Variants in SPIDR observed in about 807,000 individuals in gnomAD.
The protein encoded by SPIDR is scaffold protein involved in DNA repair.
A neutral mutation model predicts 104.6 loss-of-function variants in SPIDR; 93 were observed. The observed-to-expected ratio is 0.89, with a 90% CI of 0.75 to 1.06. The LOEUF (loss-of-function observed/expected upper bound fraction) is 1.06, where lower values mean the gene tolerates loss of function less well. SPIDR is among the 50% of genes least tolerant of loss of function. SPIDR has a pLI of 0.00. For missense variants in SPIDR, 1,154 were observed against 1,111.2 expected, an observed-to-expected ratio of 1.04 and a Z score of -0.55; for synonymous variants, 431 against 416.9, an observed-to-expected ratio of 1.03 and a Z score of -0.41.
At chr8:47,394,981 G>T (rs1370875584) in intron 5 of SPIDR, among the ~76,000 whole-genome samples, 1 of 152,144 alleles carries the variant, frequency 6.6e-6, no homozygotes, top group Non-Finnish European at 1.5e-5. Context: ...TTTTCAGTGT[G>T]CCTGATAGAA....
intron 11 of SPIDR, among the ~76,000 whole-genome samples, chr8:47,692,390 C>T (rs1356724784): frequency 6.6e-6 from 1 of 151,860 alleles, no homozygotes; most frequent in Non-Finnish European, 1.5e-5. Context: ...CTGGACGTTT[C>T]CTGTCAGTGG....
At chr8:47,685,517 A>ATTTATTTTTTTTTTTT (rs761792229) in intron 11 of SPIDR, among the ~76,000 whole-genome samples, 1 of 130,094 alleles carries the variant, frequency 7.7e-6, no homozygotes, top group Admixed American at 8.0e-5. Context: ...TTATTTATTT[A>ATTTATTTTTTTTTTTT]TTTTTTTGAG....
chr8:47,653,859 C>CA (rs561508290), intron 10 of SPIDR: 13,931 of 431,444 alleles, frequency 0.032, 20 homozygotes, highest in Middle Eastern at 0.038. Flanking sequence ...AACTAAAAGA[C>CA]AAAAAAAAAA....
At chr8:47,553,588 G>T (rs1336185523) in intron 8 of SPIDR, among the ~76,000 whole-genome samples, 1 of 152,044 alleles carries the variant, frequency 6.6e-6, no homozygotes, top group African/African-American at 2.4e-5. Flanking sequence ...ATGGTTTTCA[G>T]CTCCATCAGA....
At chr8:47,591,006 T>C (rs1242296559) in intron 8 of SPIDR, among the ~76,000 whole-genome samples, 1 of 152,148 alleles carries the variant, frequency 6.6e-6, no homozygotes, top group African/African-American at 2.4e-5. Context: ...TCTTTTCTCA[T>C]TTTTTACTTT....
chr8:47,334,518 TTTA>T (rs1354054784), intron 5 of SPIDR, among the ~76,000 whole-genome samples: 1 of 152,216 alleles, frequency 6.6e-6, no homozygotes, highest in Non-Finnish European at 1.5e-5. Context: ...AATGCCCCTC[TTTA>T]TCCTTGATAA....
intron 8 of SPIDR, among the ~76,000 whole-genome samples, chr8:47,569,389 G>A (rs1030103961): frequency 7.2e-5 from 11 of 152,126 alleles, no homozygotes; most frequent in Admixed American, 1.3e-4. Context: ...GGAAATATTG[G>A]ACTTGAACAA....
chr8:47,565,445 A>G (rs146339701), intron 8 of SPIDR, among the ~76,000 whole-genome samples: 1,650 of 152,292 alleles, frequency 0.011, 19 homozygotes, highest in Non-Finnish European at 0.014. Flanking sequence ...AGAACCTTGT[A>G]CCATTCTAGG....
At chr8:47,732,275 T>A (rs1439493203) in intron 19 of SPIDR, 1 of 694,030 alleles carries the variant, frequency 1.4e-6, no homozygotes, top group African/African-American at 1.8e-5. Flanking sequence ...AGCTCAAAGG[T>A]GTGTGTACCT....
chr8:47,682,615 A>G (rs1293027907), intron 11 of SPIDR, among the ~76,000 whole-genome samples: 2 of 152,228 alleles, frequency 1.3e-5, no homozygotes, highest in Non-Finnish European at 2.9e-5. Context: ...GAATGTCTAG[A>G]AAGTGCTTAT....
At chr8:47,374,299 A>G (rs987859120) in intron 5 of SPIDR, among the ~76,000 whole-genome samples, 1 of 152,160 alleles carries the variant, frequency 6.6e-6, no homozygotes, top group Non-Finnish European at 1.5e-5. Context: ...AGATAGAAGG[A>G]TCACTTGAGC....
chr8:47,279,724 T>A (rs2037346468), intron 1 of SPIDR, 138 bp from the exon 2 acceptor site: 4 of 797,116 alleles, frequency 5.0e-6, no homozygotes, highest in Non-Finnish European at 7.7e-6. Flanking sequence ...ATGTGAAGAT[T>A]TAGAGACATT....
intron 5 of SPIDR, among the ~76,000 whole-genome samples, chr8:47,328,654 G>A (rs1280394660): frequency 6.6e-6 from 1 of 151,946 alleles, no homozygotes; most frequent in Non-Finnish European, 1.5e-5. Flanking sequence ...CTTGTTTAGT[G>A]TATTGTATCT....
intron 8 of SPIDR, among the ~76,000 whole-genome samples, chr8:47,449,334 T>TTAGAGCC (rs1564002852): frequency 6.6e-6 from 1 of 152,126 alleles, no homozygotes; most frequent in South Asian, 2.1e-4. Flanking sequence ...TCAGCAGTAA[T>TTAGAGCC]TAGAGCCTAG....
intron 5 of SPIDR, among the ~76,000 whole-genome samples, chr8:47,311,428 G>C (rs938339540): frequency 3.9e-5 from 6 of 152,058 alleles, no homozygotes; most frequent in African/African-American, 1.4e-4. Context: ...TAAAAAACAT[G>C]AATTTACATG....
intron 8 of SPIDR, among the ~76,000 whole-genome samples, chr8:47,459,193 T>A (rs550184657): frequency 2.0e-5 from 3 of 152,270 alleles, no homozygotes; most frequent in African/African-American, 4.8e-5. Flanking sequence ...CTCTATCTTG[T>A]GTAATAGTGT....
At chr8:47,362,515 T>G (rs2056239684) in intron 5 of SPIDR, among the ~76,000 whole-genome samples, 1 of 152,198 alleles carries the variant, frequency 6.6e-6, no homozygotes, top group African/African-American at 2.4e-5. Context: ...TCTGCCAGTT[T>G]TAGAATGTAT....
At chr8:47,278,519 C>T (rs1228793734) in intron 1 of SPIDR, among the ~76,000 whole-genome samples, 6 of 151,958 alleles carry the variant, frequency 3.9e-5, no homozygotes, top group African/African-American at 1.5e-4. Flanking sequence ...TGGGGTCTCA[C>T]GACGTTGCCT....
At chr8:47,623,968 T>C (rs895418912) in intron 10 of SPIDR, among the ~76,000 whole-genome samples, 2 of 152,182 alleles carry the variant, frequency 1.3e-5, no homozygotes, top group African/African-American at 2.4e-5. Context: ...TATTCCAAAA[T>C]TGACCACATA....
Sources: allele counts gnomAD v4.1 joint callset (sites outside exome capture counted in the v4.1 genomes callset), GRCh38; gene constraint gnomAD v4.1.1; transcripts MANE v1.5; gene names NCBI Gene and HGNC (gene_info 2026-07-23, HGNC 2026-07-21).